LMTK2: variants seen among roughly 807,000 people sequenced by gnomAD.
The protein encoded by LMTK2 is lemur tail kinase 2, also known as serine/threonine-protein kinase LMTK2.
Under a neutral mutation model 127.5 loss-of-function variants are expected in LMTK2, and 37 were observed. The observed-to-expected ratio is 0.29, with a 90% CI of 0.22 to 0.38. LMTK2 has a LOEUF of 0.38. Among genes scored for constraint, LMTK2 ranks in the 10% least tolerant of loss-of-function variants. The probability of loss-of-function intolerance (pLI) is 1.00; values close to 1 mark genes in which losing one functional copy is unlikely to be tolerated. For missense variants in LMTK2, 1,694 were observed against 1,920.3 expected (o/e 0.88, Z 2.20); for synonymous variants, 819 against 810.1 (o/e 1.01, Z -0.19).
chr7:98,187,107 A>G, intron 9 of LMTK2, 109 bp downstream of exon 9: 1 of 978,246 alleles, frequency 1.0e-6, no homozygotes, highest in Admixed American at 2.5e-5. Flanking sequence ...GTAGGAACAA[A>G]AGAGTATCTG....
At chr7:98,202,662 C>T (rs988055993) in intron 11 of LMTK2, among the ~76,000 whole-genome samples, 8 of 152,166 alleles carry the variant, frequency 5.3e-5, no homozygotes, top group Non-Finnish European at 1.2e-4. Flanking sequence ...TCAAAGCCTT[C>T]GCTGTGCTGT....
Position 98,193,100 on chromosome 7 carries a change from C to G in LMTK2, c.2635C>G (p.Leu879Val). Residue 879 changes from leucine (L) to valine (V), a missense_variant, in exon 11 of 14, where the codon CTG (leucine) becomes GTG (valine). Around this residue, in one of 8 missense-constraint regions of LMTK2, gnomAD observed 527 missense variants for 539.8 expected, o/e 0.98. Transcript: ENST00000297293. The surrounding 1 kb of genome is among the most constrained non-coding windows in gnomAD (Gnocchi z 4.1). ...ILSTDARTHS[L>V]DNRSQDSPGE... ...CTCAACTGATGCCAGAACCCACAGC[C>G]TGGATAACAGGTCCCAGGACTCTCC... The G allele has an allele frequency of 6.2e-7, 1 of 1,613,720 alleles. No homozygotes were observed. Among genetic ancestry groups the G allele is most frequent in the Non-Finnish European group, 8.5e-7 (1 of 1,180,032 alleles).
Position 98,194,762 on chromosome 7 carries a change from G to T in LMTK2, c.4107+190G>T, listed in dbSNP as rs529092442. Among the ~76,000 whole-genome samples, 9 of 152,336 alleles carry T rather than the reference G, an allele frequency of 5.9e-5. No individual in the cohort carries two copies. The highest frequency in any genetic ancestry group is 4.1e-4 in the South Asian group (2 of 4,826). ...GAAATGTCATTTGCTCAGGGAGTTC[G>T]TATTAAATTAAGAGAAAGAGACCCG... On this transcript the variant is annotated intron_variant, in intron 11 of 13. Coordinates refer to ENST00000297293, the MANE Select transcript of LMTK2 (RefSeq NM_014916.4). The surrounding 1 kb of genome is among the most constrained non-coding windows in gnomAD (Gnocchi z 5.4).
At position 98,152,292 on chromosome 7, in the gene LMTK2, C is replaced by T. The variant is rs527398628; in HGVS notation, c.450+837C>T. On this transcript the variant is annotated intron_variant, in intron 4 of 13. Transcript: ENST00000297293. ...ACAGCCATTTCCACAGTACTGCAGTCGTGCTCTGCAAGAGGTTCCTAATGG... is the reference window on the plus strand; with the variant it reads ...ACAGCCATTTCCACAGTACTGCAGTTGTGCTCTGCAAGAGGTTCCTAATGG... 4.1e-4 allele frequency among the ~76,000 whole-genome samples: 62 copies of T among 152,274 alleles called. 1 individual carries two copies. Among genetic ancestry groups the T allele is most frequent in the Middle Eastern group, 3.4e-3 (1 of 294 alleles).
intron 13 of LMTK2, among the ~76,000 whole-genome samples, chr7:98,204,709 C>T (rs1301619851): frequency 2.0e-5 from 3 of 152,248 alleles, no homozygotes; most frequent in African/African-American, 7.2e-5. Context: ...CTCTCAGGCT[C>T]GTTACCGGCC....
At chr7:98,198,395 T>A (rs1443260583) in intron 11 of LMTK2, among the ~76,000 whole-genome samples, 2 of 152,148 alleles carry the variant, frequency 1.3e-5, no homozygotes, top group Non-Finnish European at 2.9e-5. Flanking sequence ...TTCACCATGT[T>A]GGCCAGGATG....
In LMTK2 at chr7:98,191,895, T is replaced by G. The variant is rs1430457885; in HGVS notation, c.1430T>G (p.Val477Gly). ...AGCCAGGGCCTGAGCTTCGAGTATGTCTGGGAGGCCGCTAAGCACGACCAC... is the reference window on the plus strand; with the variant it reads ...AGCCAGGGCCTGAGCTTCGAGTATGGCTGGGAGGCCGCTAAGCACGACCAC... ...ETSQGLSFEY[V>G]WEAAKHDHFD... Residue 477 changes from valine to glycine, a missense_variant, in exon 11 of 14, where the codon GTC becomes GGC. Transcript: ENST00000297293. The G allele has an allele frequency of 4.3e-6, 7 of 1,614,070 alleles. No individual in the cohort carries two copies. Among genetic ancestry groups the G allele is most frequent in the Non-Finnish European group, 5.1e-6 (6 of 1,180,046 alleles).
Position 98,171,735 on chromosome 7 carries a change from C to G in LMTK2, c.791+61C>G, listed in dbSNP as rs956924615. 1.2e-5 allele frequency: 18 copies of G among 1,479,080 alleles called. No individual in the cohort carries two copies. The South Asian group carries it at 2.5e-4, about 20-fold the overall frequency. The allele number at this position is 1,479,080 out of a possible 1,614,324, so 91.6% of individuals were successfully genotyped here. ...GCACCGGCGGGACAGTCCAGAGAGG[C>G]TGCCGAGTTTGTGAAACTTAAGGAG... On this transcript the variant is annotated intron_variant, in intron 7 of 13. Coordinates refer to ENST00000297293, the MANE Select transcript of LMTK2 (RefSeq NM_014916.4). This position sits in a 1 kb window ranked among gnomAD's most constrained non-coding sequence, Gnocchi z 5.1.
At chr7:98,174,123 G>T (rs375856392) in intron 7 of LMTK2, among the ~76,000 whole-genome samples, 17 of 135,026 alleles carry the variant, frequency 1.3e-4, no homozygotes, top group Admixed American at 9.5e-4. Context: ...AAAAAAAAAA[G>T]AAAAAGTAAT....
chr7:98,140,159 T>TCCGTCC (rs1562902815), intron 2 of LMTK2, among the ~76,000 whole-genome samples: 3 of 5,782 alleles, frequency 5.2e-4, no homozygotes, highest in Non-Finnish European at 7.2e-4. Context: ...TTTCTTTTCT[T>TCCGTCC]TTCTTTTCTT....
intron 1 of LMTK2, among the ~76,000 whole-genome samples, chr7:98,111,264 G>A (rs1351648326): frequency 1.3e-5 from 2 of 152,112 alleles, no homozygotes; most frequent in Non-Finnish European, 2.9e-5. Flanking sequence ...GCCCTCTCTG[G>A]CCCCTGTGTA....
At chr7:98,119,063 G>A (rs1482469695) in intron 1 of LMTK2, among the ~76,000 whole-genome samples, 2 of 143,860 alleles carry the variant, frequency 1.4e-5, no homozygotes, top group African/African-American at 5.2e-5. Context: ...CTGCACTCCC[G>A]CCTGGGTGAC....
intron 7 of LMTK2, among the ~76,000 whole-genome samples, chr7:98,179,953 T>C (rs935008478): frequency 1.1e-4 from 17 of 152,230 alleles, no homozygotes; most frequent in Non-Finnish European, 5.9e-5. Context: ...TACCGAACAC[T>C]ACCTTGCTAG....
At chr7:98,168,429 A>C (rs1584275999) in intron 6 of LMTK2, among the ~76,000 whole-genome samples, 2 of 152,238 alleles carry the variant, frequency 1.3e-5, no homozygotes, top group African/African-American at 4.8e-5. Context: ...CAGCTGCCCC[A>C]GTCTGCATGT....
intron 4 of LMTK2, among the ~76,000 whole-genome samples, chr7:98,153,594 G>A (rs1308386075): frequency 6.6e-6 from 1 of 152,204 alleles, no homozygotes; most frequent in African/African-American, 2.4e-5. Context: ...GCAATAGGCT[G>A]GACGCGGTAG....
chr7:98,112,291 G>A (rs1796212620), intron 1 of LMTK2, among the ~76,000 whole-genome samples: 1 of 152,110 alleles, frequency 6.6e-6, no homozygotes. Flanking sequence ...TCCAACTCCT[G>A]GCCTCAAGAG....
rs1425597047 is a variant in LMTK2, at chr7:98,200,944, G to T, written c.4108-2630G>T. On this transcript the variant is annotated intron_variant, in intron 11 of 13. Transcript: ENST00000297293. ...GATCTGGAGGGCCTCCTGTCCTTCT[G>T]TTCTTTTTCATTATTGATGTTCTAG... is the stretch of plus-strand genomic sequence containing the variant. Among the ~76,000 whole-genome samples the T allele has an allele frequency of 2.6e-5, 4 of 152,018 alleles. No homozygotes were observed. In the East Asian group the frequency reaches 7.7e-4, roughly 29 times the overall value.
intron 6 of LMTK2, among the ~76,000 whole-genome samples, chr7:98,163,744 C>T (rs1797048790): frequency 6.6e-6 from 1 of 152,182 alleles, no homozygotes; most frequent in African/African-American, 2.4e-5. Flanking sequence ...AGCCCAGCTC[C>T]CAGCCTGGAT....
chr7:98,131,661 CATAAA>C (rs1796521574), intron 1 of LMTK2, among the ~76,000 whole-genome samples: 1 of 152,100 alleles, frequency 6.6e-6, no homozygotes. Context: ...TTTCATGTGT[CATAAA>C]ATGTTATTTT....
Sources: allele counts gnomAD v4.1 joint callset (sites outside exome capture counted in the v4.1 genomes callset), GRCh38; gene constraint gnomAD v4.1.1; regional missense constraint gnomAD v4.1.1; non-coding constraint Gnocchi (gnomAD v3.1); transcripts MANE v1.5; gene names NCBI Gene and HGNC (gene_info 2026-07-23, HGNC 2026-07-21).